Variants in DCC observed in about 807,000 individuals in gnomAD.
DCC encodes DCC netrin 1 receptor.
Under a neutral mutation model 172.5 loss-of-function variants are expected in DCC, and 58 were observed. The ratio of observed to expected loss-of-function variants is 0.34; its 90% CI spans 0.27 to 0.42. DCC has a LOEUF of 0.42. Among genes scored for constraint, DCC ranks in the 10% least tolerant of loss-of-function variants. The probability of loss-of-function intolerance (pLI) is 1.00; values close to 1 mark genes in which losing one functional copy is unlikely to be tolerated. For missense variants in DCC, 1,740 were observed against 1,791.0 expected, an observed-to-expected ratio of 0.97 and a Z score of 0.51; for synonymous variants, 709 against 644.5, an observed-to-expected ratio of 1.10 and a Z score of -1.52.
At chr18:53,463,792 T>G (rs974226828) in intron 24 of DCC, among the ~76,000 whole-genome samples, 1 of 152,214 alleles carries the variant, frequency 6.6e-6, no homozygotes, top group African/African-American at 2.4e-5. Flanking sequence ...TACTTTTATA[T>G]AAGTACTTTT....
intron 21 of DCC, among the ~76,000 whole-genome samples, chr18:53,430,355 C>A (rs573008691): frequency 6.6e-6 from 1 of 152,210 alleles, no homozygotes; most frequent in African/African-American, 2.4e-5. Context: ...TATGCCCATT[C>A]AGGGAAGATG....
At chr18:52,794,125 A>G (rs554063223) in intron 2 of DCC, among the ~76,000 whole-genome samples, 1 of 152,084 alleles carries the variant, frequency 6.6e-6, no homozygotes, top group African/African-American at 2.4e-5. Context: ...TGCTTTGGCT[A>G]TTCAGAATCT....
chr18:52,493,270 T>G (rs564412949), intron 1 of DCC, among the ~76,000 whole-genome samples: 2 of 152,092 alleles, frequency 1.3e-5, no homozygotes, highest in Admixed American at 6.6e-5. Flanking sequence ...ACAGGAAGAT[T>G]AGAGGATTGA....
In DCC at chr18:52,917,150, A is replaced by C. The variant is rs559147301; in HGVS notation, c.698-6557A>C. Among the ~76,000 whole-genome samples, 564 of 145,060 alleles carry C rather than the reference A, an allele frequency of 3.9e-3. 2 individuals are homozygous for C. Among genetic ancestry groups the C allele is most frequent in the Non-Finnish European group, 6.7e-3 (452 of 67,424 alleles). ...AAAAAAAGAAAACAAAAAAAAAAAAACAAGAAAAAAATAAAAAATATTGGC... is the reference window on the plus strand; with the variant it reads ...AAAAAAAGAAAACAAAAAAAAAAAACCAAGAAAAAAATAAAAAATATTGGC... On this transcript the variant is annotated intron_variant, in intron 3 of 28. Coordinates refer to ENST00000442544, the MANE Select transcript of DCC (RefSeq NM_005215.4).
At chr18:53,452,970 C>A (rs1225215938) in intron 23 of DCC, among the ~76,000 whole-genome samples, 1 of 152,004 alleles carries the variant, frequency 6.6e-6, no homozygotes, top group South Asian at 2.1e-4. Context: ...GGCTGGAGTG[C>A]AGTGGTGCAA....
At chr18:52,648,452 T>C (rs933014752) in intron 1 of DCC, among the ~76,000 whole-genome samples, 1 of 152,212 alleles carries the variant, frequency 6.6e-6, no homozygotes, top group Non-Finnish European at 1.5e-5. Flanking sequence ...ATTTGCAAAG[T>C]ATCGCGTAAC....
At chr18:53,404,757 T>A (rs1261736807) in intron 19 of DCC, among the ~76,000 whole-genome samples, 2 of 148,050 alleles carry the variant, frequency 1.4e-5, no homozygotes, top group Admixed American at 6.7e-5. Flanking sequence ...AATAAAAAAT[T>A]AAAAAAAAAA....
intron 1 of DCC, among the ~76,000 whole-genome samples, chr18:52,456,951 T>G (rs1405173609): frequency 6.6e-6 from 1 of 151,604 alleles, no homozygotes. Context: ...TCATACTTGT[T>G]TTTTTTTTAA....
Position 53,338,987 on chromosome 18 carries a change from G to A in DCC, c.2165-726G>A, listed in dbSNP as rs114167473. On this transcript the variant is annotated intron_variant, in intron 14 of 28. Transcript: ENST00000442544. Reference sequence around the variant, plus strand: ...TGAACTCTGCTCTTTCTTACTTCCCGAGCTCAAGCTTTGAGTCAATCAATA... The same window carrying A: ...TGAACTCTGCTCTTTCTTACTTCCCAAGCTCAAGCTTTGAGTCAATCAATA... Among the ~76,000 whole-genome samples the A allele has an allele frequency of 2.9e-3, 442 of 152,184 alleles. 1 individual carries two copies. Among genetic ancestry groups the A allele is most frequent in the African/African-American group, 0.01 (422 of 41,496 alleles).
intron 12 of DCC, among the ~76,000 whole-genome samples, chr18:53,300,027 C>A (rs1162795778): frequency 1.3e-5 from 2 of 152,240 alleles, no homozygotes; most frequent in Middle Eastern, 3.4e-3. Context: ...TAATTTATCA[C>A]ACTTAAAGAA....
chr18:52,580,640 T>G (rs924794047), intron 1 of DCC, among the ~76,000 whole-genome samples: 1 of 152,182 alleles, frequency 6.6e-6, no homozygotes, highest in African/African-American at 2.4e-5. Context: ...TCACATAGCT[T>G]AGAAAGACTA....
chr18:53,460,282 T>G (rs1217126309), intron 24 of DCC, among the ~76,000 whole-genome samples: 11 of 112,880 alleles, frequency 9.7e-5, no homozygotes, highest in African/African-American at 3.4e-4. Context: ...CTGTTTTTTT[T>G]TTTTTTTTTT....
At chr18:53,066,959 C>G (rs1374591481) in intron 7 of DCC, among the ~76,000 whole-genome samples, 1 of 151,928 alleles carries the variant, frequency 6.6e-6, no homozygotes, top group Non-Finnish European at 1.5e-5. Flanking sequence ...AAGTGCTACA[C>G]ACTTTTAAAC....
chr18:53,068,363 T>C (rs1417171368), intron 7 of DCC, among the ~76,000 whole-genome samples: 1 of 151,720 alleles, frequency 6.6e-6, no homozygotes, highest in African/African-American at 2.4e-5. Context: ...GCTGCACCCA[T>C]TAACTCGTCA....
intron 9 of DCC, among the ~76,000 whole-genome samples, chr18:53,188,203 C>T (rs1415542250): frequency 6.6e-6 from 1 of 152,082 alleles, no homozygotes; most frequent in Non-Finnish European, 1.5e-5. Context: ...AACCTGGGGA[C>T]CAGAGCTTTT....
intron 5 of DCC, among the ~76,000 whole-genome samples, chr18:53,033,129 A>G (rs188839021): frequency 6.6e-6 from 1 of 152,094 alleles, no homozygotes; most frequent in Non-Finnish European, 1.5e-5. Flanking sequence ...ACTTATAGAA[A>G]TAAGAATGTT....
intron 5 of DCC, among the ~76,000 whole-genome samples, chr18:52,961,432 G>C (rs2040841048): frequency 6.6e-6 from 1 of 152,090 alleles, no homozygotes; most frequent in African/African-American, 2.4e-5. Flanking sequence ...TATATGAAAA[G>C]TTCAGTGCTA....
At chr18:53,355,497 G>C (rs1035884074) in intron 15 of DCC, among the ~76,000 whole-genome samples, 11 of 152,144 alleles carry the variant, frequency 7.2e-5, no homozygotes, top group Admixed American at 2.6e-4. Context: ...CACATCCCTT[G>C]TAAGTTGTAT....
chr18:52,899,802 A>G (rs781714166), intron 2 of DCC, among the ~76,000 whole-genome samples: 5 of 152,204 alleles, frequency 3.3e-5, no homozygotes, highest in Non-Finnish European at 5.9e-5. Context: ...AGGCTCCTCT[A>G]ACTAATTCTT....
Sources: gnomAD v4.1 joint callset for allele counts (sites outside exome capture counted in the v4.1 genomes callset) on GRCh38, gnomAD v4.1.1 for gene constraint, MANE v1.5 for transcripts, NCBI Gene and HGNC (gene_info 2026-07-23, HGNC 2026-07-21) for gene names.